Variants in CAPN14 observed in about 807,000 individuals in gnomAD.
CAPN14 encodes the protein calpain 14.
Under a neutral mutation model 101.3 loss-of-function variants are expected in CAPN14, and 94 were observed. The ratio of observed to expected loss-of-function variants is 0.93; its 90% CI spans 0.79 to 1.10. The LOEUF is 1.10. CAPN14 is among the 50% of genes least tolerant of loss of function. CAPN14 has a pLI of 0.00. For synonymous variants in CAPN14, 338 were observed against 317.9 expected (o/e 1.06, Z -0.67); for missense variants, 837 against 828.4 (o/e 1.01, Z -0.13).
rs1164765319 is a variant in CAPN14, at chr2:31,230,029, T to C, written c.-176-3378A>G. 6.6e-6 allele frequency among the ~76,000 whole-genome samples: 1 copy of C among 152,230 alleles called. No individual in the cohort carries two copies. The highest frequency in any genetic ancestry group is 1.9e-4 in the East Asian group (1 of 5,194). On this transcript the variant is annotated intron_variant and NMD_transcript_variant, in intron 1 of 21. Coordinates refer to the CAPN14 transcript ENST00000398824. This position sits in a 1 kb window ranked among gnomAD's most constrained non-coding sequence, Gnocchi z 4.3. ...TTTTCTCATCTGTAGAGTATGTATT[T>C]TTTGTAACTTTCATTTTAGGTTCGG... is the stretch of plus-strand genomic sequence containing the variant.
intron 9 of CAPN14, 79 bp downstream of exon 9, chr2:31,194,330 T>A (rs1455533113): frequency 9.5e-7 from 1 of 1,047,154 alleles, no homozygotes; most frequent in Non-Finnish European, 1.5e-6. Context: ...CTGGCACCCA[T>A]AAGGCATCCA....
intron 16 of CAPN14, among the ~76,000 whole-genome samples, chr2:31,182,884 C>A (rs1445903573): frequency 6.6e-6 from 1 of 151,456 alleles, no homozygotes; most frequent in Non-Finnish European, 1.5e-5. Flanking sequence ...CCAAGTCAAT[C>A]CTAAGCCAAA....
chr2:31,218,535 T>C (rs1461804094), upstream of CAPN14, among the ~76,000 whole-genome samples: 1 of 152,176 alleles, frequency 6.6e-6, no homozygotes, highest in Non-Finnish European at 1.5e-5. Context: ...TTAGTACTGA[T>C]AAATTAACTA....
At chr2:31,187,937 T>C (rs570119878) in intron 14 of CAPN14, 123 bp from the exon 15 acceptor site, 85 of 783,484 alleles carry the variant, frequency 1.1e-4, no homozygotes, top group Non-Finnish European at 3.9e-5. Flanking sequence ...TGCATCGTCT[T>C]TAATTTTACA....
At chr2:31,222,883 T>C (rs999324199) in intron 2 of CAPN14, among the ~76,000 whole-genome samples, 23 of 152,148 alleles carry the variant, frequency 1.5e-4, no homozygotes, top group Non-Finnish European at 3.1e-4. Flanking sequence ...GGTACTTAGA[T>C]CATGAGGGTG....
rs2148670632 is a variant in CAPN14 at position 31,177,821 on chromosome 2, T to C, written c.1780A>G (p.Lys594Glu). Reference sequence around the variant, plus strand: ...CCACGGTCTTGCTTGTGGAAAACCTTCTGCAAAGAACCAAATAAGAGGTTC... The same window carrying C: ...CCACGGTCTTGCTTGTGGAAAACCTCCTGCAAAGAACCAAATAAGAGGTTC... ...DLWKQLKLSQKVFHKQDRGSG... is the reference protein window; with the variant it reads ...DLWKQLKLSQEVFHKQDRGSG... The change falls in exon 19 of 22, where the codon AAG becomes GAG. Residue 594 changes from lysine to glutamate, a missense_variant and splice_region_variant. By Grantham distance (56) the Lys-to-Glu change is moderately conservative. Transcript: ENST00000403897. 3 of 1,551,666 alleles carry C rather than the reference T, an allele frequency of 1.9e-6. No individual in the cohort carries two copies. Among genetic ancestry groups the C allele is most frequent in the Non-Finnish European group, 2.6e-6 (3 of 1,146,800 alleles).
intron 16 of CAPN14, 73 bp from the exon 17 acceptor site, chr2:31,181,073 G>T: frequency 7.8e-7 from 1 of 1,289,190 alleles, no homozygotes; most frequent in South Asian, 1.3e-5. Flanking sequence ...GCAGGAAGAG[G>T]CAGTGCTGCA....
At chr2:31,198,527 G>C (rs1293576643) in intron 7 of CAPN14, among the ~76,000 whole-genome samples, 2 of 152,164 alleles carry the variant, frequency 1.3e-5, no homozygotes, top group African/African-American at 2.4e-5. Context: ...GTCCACGTTT[G>C]TAAGGCAGTT....
At chr2:31,225,548 T>A (rs999916030) in intron 2 of CAPN14, among the ~76,000 whole-genome samples, 28 of 152,126 alleles carry the variant, frequency 1.8e-4, no homozygotes, top group Admixed American at 3.3e-4. Flanking sequence ...ACAAAAATGT[T>A]CATCTTTCAA....
intron 5 of CAPN14, 85 bp downstream of exon 5, chr2:31,201,777 T>C: frequency 2.0e-6 from 3 of 1,497,108 alleles, no homozygotes; most frequent in Non-Finnish European, 2.7e-6. Context: ...TTTCATAAAC[T>C]TTACCTGACT....
chr2:31,231,112 T>A (rs925570815), intron 1 of CAPN14, among the ~76,000 whole-genome samples: 6 of 152,104 alleles, frequency 3.9e-5, no homozygotes, highest in African/African-American at 1.5e-4. Context: ...TCTGTTCTCC[T>A]TTTTCTGCCC....
intron 10 of CAPN14, among the ~76,000 whole-genome samples, chr2:31,192,767 G>A (rs1471597543): frequency 6.6e-6 from 1 of 152,126 alleles, no homozygotes; most frequent in Non-Finnish European, 1.5e-5. Flanking sequence ...TTAGGGGGTG[G>A]TTACTTCAGT....
intron 1 of CAPN14, among the ~76,000 whole-genome samples, chr2:31,210,560 C>T (rs913657827): frequency 7.2e-5 from 11 of 152,276 alleles, no homozygotes; most frequent in Non-Finnish European, 1.5e-4. Flanking sequence ...TTAGTTTTCA[C>T]TTAGTTATGA....
chr2:31,212,326 AAC>A (rs1250421970), intron 1 of CAPN14, among the ~76,000 whole-genome samples: 4 of 150,946 alleles, frequency 2.6e-5, no homozygotes, highest in Admixed American at 6.6e-5. Context: ...AAAAAAAAAA[AAC>A]AAAAAAAACA....
chr2:31,201,086 T>A (rs1681735724), intron 5 of CAPN14, among the ~76,000 whole-genome samples: 1 of 151,756 alleles, frequency 6.6e-6, no homozygotes, highest in Non-Finnish European at 1.5e-5. Flanking sequence ...TCCACATGCA[T>A]GTGTGCATGT....
At chr2:31,222,880 A>G (rs1320079019) in intron 2 of CAPN14, among the ~76,000 whole-genome samples, 1 of 152,198 alleles carries the variant, frequency 6.6e-6, no homozygotes, top group Admixed American at 6.5e-5. Context: ...GGAGGTACTT[A>G]GATCATGAGG....
intron 17 of CAPN14, among the ~76,000 whole-genome samples, chr2:31,179,060 C>CTATA (rs60701103): frequency 0.092 from 6,333 of 68,546 alleles, 213 homozygotes; most frequent in Non-Finnish European, 0.11. Flanking sequence ...TTATTGAGTT[C>CTATA]TATATATATA....
At chr2:31,207,381 T>C (rs558365506) in intron 1 of CAPN14, among the ~76,000 whole-genome samples, 4 of 152,354 alleles carry the variant, frequency 2.6e-5, no homozygotes, top group South Asian at 2.1e-4. Flanking sequence ...AGGGCCTATG[T>C]TCTTTTATTT....
rs147439358 is a variant in CAPN14, at chr2:31,180,297, C to A, written c.1710+639G>T. On this transcript the variant is annotated intron_variant, in intron 17 of 21. Coordinates refer to ENST00000403897, the MANE Select transcript of CAPN14 (RefSeq NM_001145122.2). ...CCATGCCCGTGCACCTAATCCTGCA[C>A]TGTCTCTGAGTTTCTGCAGACTGTT... 7.0e-3 allele frequency among the ~76,000 whole-genome samples: 1,060 copies of A among 152,346 alleles called. 9 individuals carry two copies. Among genetic ancestry groups the A allele is most frequent in the East Asian group, 0.013 (70 of 5,194 alleles).
Sources: gnomAD v4.1 joint callset for allele counts (sites outside exome capture counted in the v4.1 genomes callset) on GRCh38, gnomAD v4.1.1 for gene constraint, Gnocchi (gnomAD v3.1) non-coding constraint, MANE v1.5 for transcripts, NCBI Gene and HGNC (gene_info 2026-07-23, HGNC 2026-07-21) for gene names.